MAGT1: variants seen among roughly 807,000 people sequenced by gnomAD.
MAGT1 encodes the protein magnesium transporter 1, also known as dolichyl-diphosphooligosaccharide--protein glycosyltransferase subunit MAGT1.
In MAGT1, 4 loss-of-function variants were observed where a neutral mutation model predicts 28.4. The observed-to-expected ratio is 0.14, with a 90% CI of 0.07 to 0.32. The LOEUF (loss-of-function observed/expected upper bound fraction) is 0.32. Among genes scored for constraint, MAGT1 ranks in the 10% least tolerant of loss-of-function variants. The pLI is 1.00. For missense variants in MAGT1, 193 were observed against 264.5 expected (o/e 0.73, Z 1.88); for synonymous variants, 89 against 89.7 (o/e 0.99, Z 0.04).
chrX:77,869,829 A>G (rs1369438281), intron 3 of MAGT1, among the ~76,000 whole-genome samples: 1 of 112,072 alleles, frequency 8.9e-6, no homozygotes, highest in Admixed American at 9.5e-5. Context: ...ACCACTATGG[A>G]AAACAGTATG....
intron 2 of MAGT1, among the ~76,000 whole-genome samples, chrX:77,872,030 T>C (rs1019793564): frequency 4.5e-5 from 5 of 110,317 alleles, no homozygotes; most frequent in Non-Finnish European, 9.5e-5. Flanking sequence ...ATACTGACTC[T>C]GGTTTCTCCT....
rs2076890885 is a variant in MAGT1, at chrX:77,829,086, A to G, written c.*134T>C. ...GGCACTACACATCTTCTTTGGTTAAATGATTAACTATTTAAATCACTTGAA... is the reference window on the plus strand; with the variant it reads ...GGCACTACACATCTTCTTTGGTTAAGTGATTAACTATTTAAATCACTTGAA... On this transcript the variant is annotated 3_prime_UTR_variant, in exon 10 of 10. Coordinates refer to ENST00000618282, the MANE Select transcript of MAGT1 (RefSeq NM_001367916.1). 2 of 540,797 alleles carry G rather than the reference A, an allele frequency of 3.7e-6. No homozygotes were observed. Among genetic ancestry groups the G allele is most frequent in the East Asian group, 7.2e-5 (2 of 27,778 alleles). 44.6% of individuals were successfully genotyped at this position (540,797 alleles called of 1,213,427 possible). A position where few individuals can be genotyped will look rare whatever the true frequency, so the allele number is the denominator to read the frequency against.
chrX:77,849,609 G>A (rs782289424), intron 7 of MAGT1, among the ~76,000 whole-genome samples: 2 of 110,639 alleles, frequency 1.8e-5, no homozygotes, highest in African/African-American at 6.6e-5. Context: ...CGTGGATCAC[G>A]CCTGTAATCC....
At chrX:77,863,278 C>T (rs1220122305) in intron 3 of MAGT1, among the ~76,000 whole-genome samples, 5 of 109,646 alleles carry the variant, frequency 4.6e-5, no homozygotes, top group East Asian at 2.9e-4. Context: ...TTTGGGAGGC[C>T]GAGGTGGGCG....
At chrX:77,855,772 C>T (rs2076979920) in intron 5 of MAGT1, among the ~76,000 whole-genome samples, 182 bp from the exon 6 acceptor site, 1 of 110,785 alleles carries the variant, frequency 9.0e-6, no homozygotes, top group South Asian at 3.7e-4. Flanking sequence ...AAAAGGAAAA[C>T]ACTATTTTTT....
Position 77,841,516 on chromosome X carries a change from G to A in MAGT1, c.827-196C>T, listed in dbSNP as rs967569222. On this transcript the variant is annotated intron_variant, in intron 7 of 9. Transcript: ENST00000618282. Reference sequence around the variant, plus strand: ...ATGAAGATACAAAAAATTAAAATTGGAAGATTACTTCATTTGTGCAAAGAA... The same window carrying A: ...ATGAAGATACAAAAAATTAAAATTGAAAGATTACTTCATTTGTGCAAAGAA... Among the ~76,000 whole-genome samples, 4 of 111,577 alleles carry A rather than the reference G, an allele frequency of 3.6e-5. No individual in the cohort carries two copies. The East Asian group carries it at 1.1e-3, about 31-fold the overall frequency.
intron 8 of MAGT1, among the ~76,000 whole-genome samples, chrX:77,833,014 A>G (rs1557213553): frequency 9.0e-6 from 1 of 111,668 alleles, no homozygotes; most frequent in East Asian, 2.8e-4. Flanking sequence ...GCTTGCTGCC[A>G]ATGCTCATTT....
intron 6 of MAGT1, among the ~76,000 whole-genome samples, chrX:77,855,034 G>A (rs1029012031): frequency 3.6e-5 from 4 of 111,729 alleles, no homozygotes; most frequent in African/African-American, 9.7e-5. Flanking sequence ...GGCCGGGTGC[G>A]GTGGCTCATG....
At chrX:77,862,791 T>A (rs2076998054) in intron 3 of MAGT1, among the ~76,000 whole-genome samples, 1 of 111,624 alleles carries the variant, frequency 9.0e-6, no homozygotes, top group Non-Finnish European at 1.9e-5. Context: ...TTGCAATACA[T>A]TTTCCTACTT....
intron 7 of MAGT1, among the ~76,000 whole-genome samples, chrX:77,842,619 G>C (rs2076938265): frequency 9.0e-6 from 1 of 110,770 alleles, no homozygotes. Context: ...CTTAAGTCAG[G>C]AGTTCAAGAC....
chrX:77,862,234 A>G (rs1197860404), intron 3 of MAGT1, among the ~76,000 whole-genome samples: 1 of 111,364 alleles, frequency 9.0e-6, no homozygotes, highest in Non-Finnish European at 1.9e-5. Context: ...CCACAGATGG[A>G]CACACTACCA....
At chrX:77,874,140 A>G (rs979087443) in intron 2 of MAGT1, among the ~76,000 whole-genome samples, 1 of 107,782 alleles carries the variant, frequency 9.3e-6, no homozygotes, top group African/African-American at 3.4e-5. Flanking sequence ...ACATCACCAC[A>G]CCCAGCTAAT....
At chrX:77,878,855 C>A (rs939765801) in intron 1 of MAGT1, among the ~76,000 whole-genome samples, 1 of 103,725 alleles carries the variant, frequency 9.6e-6, no homozygotes, top group African/African-American at 3.5e-5. Context: ...ATTTACCATA[C>A]AACCCATCAA....
intron 7 of MAGT1, among the ~76,000 whole-genome samples, chrX:77,851,209 A>G (rs782060203): frequency 9.4e-6 from 1 of 106,249 alleles, no homozygotes; most frequent in Non-Finnish European, 1.9e-5. Context: ...ATAAATGAAC[A>G]TTGTCTTTCT....
intron 8 of MAGT1, chrX:77,837,291 G>A (rs1246751844): frequency 9.0e-6 from 1 of 111,343 alleles, no homozygotes; most frequent in Admixed American, 9.7e-5. Flanking sequence ...ACTATAAAAT[G>A]CTTACTTTGG....
intron 7 of MAGT1, among the ~76,000 whole-genome samples, chrX:77,850,474 C>CA (rs1239317435): frequency 1.5e-4 from 7 of 46,192 alleles, no homozygotes; most frequent in African/African-American, 3.6e-4. Flanking sequence ...AGACTCCACT[C>CA]AAAAAAAAAA....
intron 1 of MAGT1, among the ~76,000 whole-genome samples, chrX:77,885,904 C>T (rs1396275957): frequency 9.0e-6 from 1 of 111,329 alleles, no homozygotes. Flanking sequence ...CGCTTGAACC[C>T]GGGAGGCAGA....
chrX:77,856,857 G>T lies in MAGT1; in HGVS notation c.548C>A (p.Pro183His). The change falls in exon 5 of 10, where the codon CCC (proline) becomes CAC (histidine). Residue 183 changes from proline (P) to histidine (H), a missense_variant. Pro to His is a moderately conservative substitution (Grantham distance 77, BLOSUM62 -2). Coordinates refer to ENST00000618282, the MANE Select transcript of MAGT1 (RefSeq NM_001367916.1). ...CATAAGGGGACCAGCATAATTTGGG[G>T]GTCTAATCACTCTAATCTAATGGAA... ...RTDVNIRVIRPPNYAGPLMLG... is the reference protein window; with the variant it reads ...RTDVNIRVIRHPNYAGPLMLG... 8.3e-7 allele frequency: 1 copy of T among 1,206,740 alleles called. No individual in the cohort carries two copies. The highest frequency in any genetic ancestry group is 1.8e-5 in the South Asian group (1 of 56,393).
chrX:77,833,933 A>G (rs1232001299), intron 8 of MAGT1, among the ~76,000 whole-genome samples: 1 of 110,497 alleles, frequency 9.1e-6, no homozygotes, highest in Admixed American at 9.8e-5. Flanking sequence ...AAAAACAGAC[A>G]TACAGACCAG....
Sources: allele counts gnomAD v4.1 joint callset (sites outside exome capture counted in the v4.1 genomes callset), GRCh38; gene constraint gnomAD v4.1.1; transcripts MANE v1.5; gene names NCBI Gene and HGNC (gene_info 2026-07-23, HGNC 2026-07-21).